The following GPC6 variants were observed in gnomAD, a reference collection of about 807,000 sequenced individuals.
GPC6 encodes the protein glypican-6.
In GPC6, 14 loss-of-function variants were observed where a neutral mutation model predicts 55.2. The ratio of observed to expected loss-of-function variants is 0.25; its 90% confidence interval spans 0.17 to 0.40. The LOEUF (loss-of-function observed/expected upper bound fraction) is 0.40, where lower values mean the gene tolerates loss of function less well. GPC6 is among the 10% of genes least tolerant of loss of function. The pLI is 1.00. For synonymous variants in GPC6, 278 were observed against 259.6 expected, an observed-to-expected ratio of 1.07 and a Z score of -0.68; for missense variants, 641 against 708.5, an observed-to-expected ratio of 0.90 and a Z score of 1.08.
At chr13:93,604,719 A>T (rs1878168090) in intron 2 of GPC6, among the ~76,000 whole-genome samples, 1 of 152,186 alleles carries the variant, frequency 6.6e-6, no homozygotes, top group Non-Finnish European at 1.5e-5. Flanking sequence ...GTTATACGCA[A>T]ATGTGGAGAA....
Position 93,278,757 on chromosome 13 carries a change from A to G in GPC6, c.160+51141A>G, listed in dbSNP as rs192860611. On this transcript the variant is annotated intron_variant, in intron 1 of 8. Transcript: ENST00000377047. The stretch of plus-strand genomic sequence containing the variant: ...ATTTAGGATACAAAGTAGCAGATAT[A>G]TAGAGTGAACACATCTAGGGCTATA... 6.6e-5 allele frequency among the ~76,000 whole-genome samples: 10 copies of G among 152,354 alleles called. No individual in the cohort carries two copies. The East Asian group carries it at 1.7e-3, about 26-fold the overall frequency.
At chr13:93,363,838 G>A (rs1422386249) in intron 1 of GPC6, among the ~76,000 whole-genome samples, 2 of 151,994 alleles carry the variant, frequency 1.3e-5, no homozygotes, top group Non-Finnish European at 2.9e-5. Context: ...TGACTGGTGT[G>A]AGATGGTATC....
At chr13:93,610,003 T>C (rs1878399681) in intron 2 of GPC6, among the ~76,000 whole-genome samples, 1 of 152,198 alleles carries the variant, frequency 6.6e-6, no homozygotes, top group East Asian at 1.9e-4. Flanking sequence ...CCCTGAAGCA[T>C]TTCTCTTCTG....
intron 1 of GPC6, among the ~76,000 whole-genome samples, chr13:93,391,438 A>G (rs1010247208): frequency 6.6e-6 from 1 of 152,172 alleles, no homozygotes; most frequent in African/African-American, 2.4e-5. Context: ...GAGAAAGGCC[A>G]TATTTCTCAA....
At chr13:94,108,310 T>C (rs1886126675) in intron 4 of GPC6, among the ~76,000 whole-genome samples, 1 of 152,176 alleles carries the variant, frequency 6.6e-6, no homozygotes, top group Non-Finnish European at 1.5e-5. Flanking sequence ...ACATTGTATG[T>C]TCTCACTCAT....
At chr13:93,912,397 A>G (rs775570154) in intron 3 of GPC6, among the ~76,000 whole-genome samples, 3 of 152,066 alleles carry the variant, frequency 2.0e-5, no homozygotes, top group Non-Finnish European at 4.4e-5. Context: ...GATAGGGTGT[A>G]TTAATTTCCT....
chr13:93,492,507 C>T (rs1880060594), intron 1 of GPC6, among the ~76,000 whole-genome samples: 1 of 150,536 alleles, frequency 6.6e-6, no homozygotes. Flanking sequence ...ATTGAATACC[C>T]TTTATTTCCT....
intron 4 of GPC6, among the ~76,000 whole-genome samples, chr13:94,042,934 A>G (rs1371001164): frequency 6.6e-6 from 1 of 151,700 alleles, no homozygotes; most frequent in African/African-American, 2.4e-5. Context: ...TTAGTTATGT[A>G]TTTATATCGG....
chr13:93,938,963 G>A (rs1056176680), intron 3 of GPC6, among the ~76,000 whole-genome samples: 5 of 152,020 alleles, frequency 3.3e-5, no homozygotes, highest in African/African-American at 1.2e-4. Flanking sequence ...TTAGCTGTGC[G>A]TGGTGACACG....
At chr13:94,033,026 G>GC (rs1883199655) in intron 4 of GPC6, among the ~76,000 whole-genome samples, 1 of 152,126 alleles carries the variant, frequency 6.6e-6, no homozygotes, top group South Asian at 2.1e-4. Context: ...AACAGATAAG[G>GC]CCCCTGTTAG....
intron 1 of GPC6, among the ~76,000 whole-genome samples, chr13:93,505,068 C>T (rs993330908): frequency 1.3e-5 from 2 of 151,930 alleles, no homozygotes; most frequent in African/African-American, 4.8e-5. Context: ...TTGATGGAAA[C>T]GGATGTGAAA....
intron 3 of GPC6, among the ~76,000 whole-genome samples, chr13:93,934,508 A>G (rs1385346475): frequency 1.3e-5 from 2 of 152,194 alleles, no homozygotes; most frequent in Non-Finnish European, 2.9e-5. Flanking sequence ...TATGGCATTC[A>G]GTACATTTTC....
intron 1 of GPC6, among the ~76,000 whole-genome samples, chr13:93,273,079 C>A (rs943836742): frequency 2.6e-5 from 4 of 152,232 alleles, no homozygotes; most frequent in South Asian, 2.1e-4. Flanking sequence ...TGAAATGCAA[C>A]CTGTAAAGTC....
intron 1 of GPC6, among the ~76,000 whole-genome samples, chr13:93,331,108 G>A (rs1361281238): frequency 2.0e-5 from 3 of 152,074 alleles, no homozygotes; most frequent in Admixed American, 6.6e-5. Context: ...CTTTGTTTCA[G>A]TCTTATTTTT....
intron 4 of GPC6, among the ~76,000 whole-genome samples, chr13:94,215,084 G>A (rs188951937): frequency 4.0e-4 from 61 of 152,262 alleles, no homozygotes; most frequent in South Asian, 8.3e-4. Context: ...ACACGCTCAC[G>A]CATGGACACA....
intron 1 of GPC6, among the ~76,000 whole-genome samples, chr13:93,430,330 T>C (rs1471245504): frequency 1.4e-5 from 2 of 141,516 alleles, no homozygotes; most frequent in Admixed American, 1.4e-4. Flanking sequence ...TATTATACTT[T>C]GAGCATTAGC....
chr13:93,791,873 T>A (rs1197296765), intron 2 of GPC6, among the ~76,000 whole-genome samples: 18 of 152,206 alleles, frequency 1.2e-4, no homozygotes, highest in Non-Finnish European at 1.5e-4. Context: ...CTCAAATGAA[T>A]CTGTTAGCAT....
intron 4 of GPC6, among the ~76,000 whole-genome samples, chr13:94,126,780 T>C (rs1185460024): frequency 6.6e-6 from 1 of 152,186 alleles, no homozygotes; most frequent in Non-Finnish European, 1.5e-5. Context: ...CATAAGAAGT[T>C]GGCTGAGCTT....
intron 4 of GPC6, among the ~76,000 whole-genome samples, chr13:94,223,189 T>A (rs1020591926): frequency 3.3e-5 from 5 of 152,138 alleles, no homozygotes; most frequent in African/African-American, 1.2e-4. Flanking sequence ...AATACCTAAT[T>A]GCCTTTGATT....
Sources: allele counts gnomAD v4.1 joint callset (sites outside exome capture counted in the v4.1 genomes callset), GRCh38; gene constraint gnomAD v4.1.1; transcripts MANE v1.5; gene names NCBI Gene and HGNC (gene_info 2026-07-23, HGNC 2026-07-21).